Variants in FAM227B observed in about 807,000 individuals in gnomAD.
FAM227B encodes the protein protein FAM227B.
In FAM227B, 88 loss-of-function variants were observed where a neutral mutation model predicts 73.8. That is an observed-to-expected ratio of 1.19 (90% CI 1.00 to 1.42). The LOEUF (loss-of-function observed/expected upper bound fraction) is 1.42. FAM227B is among the 40% of genes most tolerant of loss of function. The pLI is 0.00. For synonymous variants in FAM227B, 210 were observed against 190.5 expected (o/e 1.10, Z -0.84); for missense variants, 632 against 590.9 (o/e 1.07, Z -0.72).
At chr15:49,444,342 T>C (rs1239603866) in intron 11 of FAM227B, among the ~76,000 whole-genome samples, 1 of 151,704 alleles carries the variant, frequency 6.6e-6, no homozygotes, top group East Asian at 1.9e-4. Flanking sequence ...ATGAAAAGAT[T>C]TGAAAATGCA....
intron 11 of FAM227B, among the ~76,000 whole-genome samples, chr15:49,407,634 TAA>T (rs1491322195): frequency 6.7e-6 from 1 of 148,166 alleles, no homozygotes; most frequent in Non-Finnish European, 1.5e-5. Flanking sequence ...TATATGTATT[TAA>T]TATATATATT....
chr15:49,563,788 C>G (rs144208377), intron 9 of FAM227B, among the ~76,000 whole-genome samples: 1 of 152,018 alleles, frequency 6.6e-6, no homozygotes, highest in Non-Finnish European at 1.5e-5. Flanking sequence ...GCTAGCCATA[C>G]GCTGAAGAAC....
intron 11 of FAM227B, among the ~76,000 whole-genome samples, chr15:49,482,109 G>A (rs1366181167): frequency 7.2e-5 from 11 of 152,076 alleles, no homozygotes; most frequent in African/African-American, 2.7e-4. Context: ...ACTTTTCTTT[G>A]CACTGTGTTA....
chr15:49,335,537 C>T, intron 13 of FAM227B, 41 bp from the exon 14 acceptor site: 1 of 1,505,606 alleles, frequency 6.6e-7, no homozygotes, highest in African/African-American at 1.4e-5. Flanking sequence ...CAATTAGGAA[C>T]ATTTGGGAAG....
intron 11 of FAM227B, among the ~76,000 whole-genome samples, chr15:49,390,070 T>C (rs541500947): frequency 6.6e-6 from 1 of 152,110 alleles, no homozygotes; most frequent in Middle Eastern, 3.2e-3. Flanking sequence ...AAACTGTCTT[T>C]AAGTTCATTG....
At chr15:49,607,221 CA>C in intron 3 of FAM227B, among the ~76,000 whole-genome samples, 1 of 152,236 alleles carries the variant, frequency 6.6e-6, no homozygotes, top group South Asian at 2.1e-4. Flanking sequence ...CTTAACACTG[CA>C]AAACTTTTCC....
chr15:49,457,779 A>C (rs1486752007), intron 11 of FAM227B, among the ~76,000 whole-genome samples: 1 of 151,962 alleles, frequency 6.6e-6, no homozygotes, highest in African/African-American at 2.4e-5. Context: ...AGAATTGATT[A>C]ATACATTATA....
chr15:49,362,391 G>A (rs950910068), intron 13 of FAM227B, among the ~76,000 whole-genome samples: 1 of 152,140 alleles, frequency 6.6e-6, no homozygotes, highest in African/African-American at 2.4e-5. Context: ...AGGCTCCCCA[G>A]TCATGCTTCC....
chr15:49,558,385 A>G (rs1385723603), intron 9 of FAM227B, among the ~76,000 whole-genome samples: 1 of 152,176 alleles, frequency 6.6e-6, no homozygotes, highest in Non-Finnish European at 1.5e-5. Flanking sequence ...GAAGTCTAGC[A>G]CTGCTTGGGT....
At position 49,595,116 on chromosome 15, in the gene FAM227B, T is replaced by C. The variant is rs12593252; in HGVS notation, c.106-5109A>G. On this transcript the variant is annotated intron_variant, in intron 3 of 15. Transcript: ENST00000299338. ...GATTTCTTTCAGTAGTGTTTTATAG[T>C]TTATCTTGTAGAGGTCTTTCATCTC... Among the ~76,000 whole-genome samples, 35 of 152,248 alleles carry C rather than the reference T, an allele frequency of 2.3e-4. No homozygotes were observed. The East Asian group carries it at 6.2e-3, about 27-fold the overall frequency.
chr15:49,349,509 T>C (rs1458329557), intron 13 of FAM227B, among the ~76,000 whole-genome samples: 9 of 152,202 alleles, frequency 5.9e-5, no homozygotes, highest in Non-Finnish European at 4.4e-5. Flanking sequence ...ATTTTTATGC[T>C]TATTCTCTAT....
At chr15:49,392,897 T>G (rs2047309577) in intron 11 of FAM227B, among the ~76,000 whole-genome samples, 1 of 152,108 alleles carries the variant, frequency 6.6e-6, no homozygotes, top group African/African-American at 2.4e-5. Flanking sequence ...TTGGAAGATT[T>G]TGAATTGGAA....
chr15:49,578,610 A>G (rs1206538458), intron 5 of FAM227B, among the ~76,000 whole-genome samples: 1 of 152,152 alleles, frequency 6.6e-6, no homozygotes, highest in Admixed American at 6.5e-5. Context: ...TAGAAAGAAG[A>G]TGACATATGA....
chr15:49,578,375 T>C (rs1273568457), intron 5 of FAM227B, among the ~76,000 whole-genome samples: 1 of 152,194 alleles, frequency 6.6e-6, no homozygotes, highest in Non-Finnish European at 1.5e-5. Context: ...TCTACTACAC[T>C]GCTTTATACA....
chr15:49,398,041 A>G (rs2047830043), intron 11 of FAM227B, among the ~76,000 whole-genome samples: 1 of 152,206 alleles, frequency 6.6e-6, no homozygotes, highest in African/African-American at 2.4e-5. Flanking sequence ...CAATTAAAAG[A>G]CACAGACTGG....
rs571035992 is a variant in FAM227B at position 49,338,421 on chromosome 15, A to T, written c.1272-2925T>A. ...GCTGGATATGAAATTCTGGGTTGAA[A>T]ATTCTTTTCTTTAAGAATGTTGAAT... On this transcript the variant is annotated intron_variant, in intron 13 of 15. Transcript: ENST00000299338. Among the ~76,000 whole-genome samples the T allele has an allele frequency of 4.9e-3, 739 of 152,276 alleles. 11 individuals carry two copies. Among genetic ancestry groups the T allele is most frequent in the African/African-American group, 0.017 (714 of 41,556 alleles).
At chr15:49,443,500 A>T (rs2051874625) in intron 11 of FAM227B, among the ~76,000 whole-genome samples, 1 of 151,626 alleles carries the variant, frequency 6.6e-6, no homozygotes, top group Admixed American at 6.6e-5. Context: ...ATTTAAGCGA[A>T]TGATACAAAA....
chr15:49,358,141 G>A (rs1223472304), intron 13 of FAM227B, among the ~76,000 whole-genome samples: 1 of 150,782 alleles, frequency 6.6e-6, no homozygotes, highest in East Asian at 1.9e-4. Context: ...ATACTGAATG[G>A]GCAAAAACTG....
At chr15:49,575,723 C>T (rs1468958515) in intron 7 of FAM227B, among the ~76,000 whole-genome samples, 1 of 151,986 alleles carries the variant, frequency 6.6e-6, no homozygotes, top group Non-Finnish European at 1.5e-5. Context: ...GCCATTATTT[C>T]CCCCTTTTCC....
Sources: allele counts gnomAD v4.1 joint callset (sites outside exome capture counted in the v4.1 genomes callset), GRCh38; gene constraint gnomAD v4.1.1; transcripts MANE v1.5; gene names NCBI Gene and HGNC (gene_info 2026-07-23, HGNC 2026-07-21).